The following KCNT2 variants were observed in gnomAD, a reference collection of about 807,000 sequenced individuals.
KCNT2 encodes the protein potassium sodium-activated channel subfamily T member 2, also known as potassium channel subfamily T member 2.
In KCNT2, 67 loss-of-function variants were observed where a neutral mutation model predicts 153.8. The observed-to-expected ratio is 0.44, with a 90% CI of 0.36 to 0.53. KCNT2 has a LOEUF of 0.53. KCNT2 is among the 20% of genes least tolerant of loss of function. The pLI is 0.00. For synonymous variants in KCNT2, 500 were observed against 458.8 expected, an observed-to-expected ratio of 1.09 and a Z score of -1.15; for missense variants, 975 against 1,354.8, an observed-to-expected ratio of 0.72 and a Z score of 4.40.
At chr1:196,357,685 T>C (rs1283421570) in intron 14 of KCNT2, among the ~76,000 whole-genome samples, 1 of 151,860 alleles carries the variant, frequency 6.6e-6, no homozygotes, top group Non-Finnish European at 1.5e-5. Flanking sequence ...GGATGGCTAG[T>C]AGAGGTAGTA....
intron 14 of KCNT2, among the ~76,000 whole-genome samples, chr1:196,370,394 C>A (rs1401374176): frequency 3.3e-5 from 5 of 152,098 alleles, no homozygotes; most frequent in African/African-American, 9.6e-5. Flanking sequence ...TTATGACTGA[C>A]AGATCAGCTA....
intron 14 of KCNT2, among the ~76,000 whole-genome samples, chr1:196,355,530 T>A (rs941046397): frequency 6.6e-6 from 1 of 151,716 alleles, no homozygotes; most frequent in African/African-American, 2.4e-5. Flanking sequence ...AGGCATCTAC[T>A]TCAATGAGAA....
intron 26 of KCNT2, among the ~76,000 whole-genome samples, chr1:196,256,979 G>T (rs1656572673): frequency 6.6e-6 from 1 of 152,016 alleles, no homozygotes; most frequent in Non-Finnish European, 1.5e-5. Context: ...GACATTAAAT[G>T]TGATTATATT....
intron 14 of KCNT2, among the ~76,000 whole-genome samples, chr1:196,372,486 A>T (rs1668622042): frequency 1.3e-5 from 2 of 151,928 alleles, no homozygotes; most frequent in Non-Finnish European, 2.9e-5. Flanking sequence ...AAGAGCAATG[A>T]CTATGTTCAC....
intron 23 of KCNT2, among the ~76,000 whole-genome samples, chr1:196,285,217 T>G (rs1659544643): frequency 6.6e-6 from 1 of 152,212 alleles, no homozygotes; most frequent in African/African-American, 2.4e-5. Context: ...ATCAGCAGAT[T>G]CTTAAAATGT....
At chr1:196,286,992 G>A (rs977679203) in intron 22 of KCNT2, among the ~76,000 whole-genome samples, 5 of 152,032 alleles carry the variant, frequency 3.3e-5, no homozygotes, top group Non-Finnish European at 7.4e-5. Context: ...GCAAGCTCCT[G>A]TTTCTAATGT....
At chr1:196,580,000 A>G (rs1446201594) in intron 1 of KCNT2, among the ~76,000 whole-genome samples, 1 of 152,176 alleles carries the variant, frequency 6.6e-6, no homozygotes, top group Non-Finnish European at 1.5e-5. Context: ...TTTCCAACCT[A>G]GAAATGTTTC....
chr1:196,557,628 T>TC (rs1298757814), intron 1 of KCNT2, among the ~76,000 whole-genome samples: 1 of 151,246 alleles, frequency 6.6e-6, no homozygotes, highest in African/African-American at 2.4e-5. Context: ...ACACAAGGTT[T>TC]ATTAATTAAT....
chr1:196,507,077 A>G (rs1178342364), intron 1 of KCNT2, among the ~76,000 whole-genome samples: 6 of 152,114 alleles, frequency 3.9e-5, no homozygotes, highest in Non-Finnish European at 8.8e-5. Flanking sequence ...GAAAATGTGA[A>G]ATCTAAATGT....
chr1:196,309,402 C>T (rs945379839), intron 21 of KCNT2, among the ~76,000 whole-genome samples: 1 of 151,778 alleles, frequency 6.6e-6, no homozygotes, highest in Non-Finnish European at 1.5e-5. Context: ...TATTTGGGGT[C>T]TTAATAAAAG....
chr1:196,426,832 C>T (rs1190913094), intron 10 of KCNT2, among the ~76,000 whole-genome samples: 1 of 151,746 alleles, frequency 6.6e-6, no homozygotes, highest in Non-Finnish European at 1.5e-5. Context: ...CAGATTTCCC[C>T]CTTGCTGTTC....
chr1:196,422,711 C>T (rs1673314711), intron 12 of KCNT2, among the ~76,000 whole-genome samples: 1 of 151,822 alleles, frequency 6.6e-6, no homozygotes, highest in South Asian at 2.1e-4. Flanking sequence ...CCTGATCCAT[C>T]TGCTTTGTCT....
At chr1:196,236,505 G>A (rs572736544) in intron 26 of KCNT2, among the ~76,000 whole-genome samples, 1 of 151,478 alleles carries the variant, frequency 6.6e-6, no homozygotes, top group East Asian at 1.9e-4. Context: ...ATTATGTTTA[G>A]AAAACATGCT....
rs760362698 is a variant in KCNT2, at chr1:196,280,810, G to T, written c.2910+50C>A. ...TCAGTTTATAAGCTTATGAATGATT[G>T]CACTCATCAGATTAAACATCAAAAC... On this transcript the variant is annotated intron_variant, in intron 25 of 27. Transcript: ENST00000294725. 13 of 1,491,654 alleles carry T rather than the reference G, an allele frequency of 8.7e-6. No homozygotes were observed. The African/African-American group carries it at 1.2e-4, about 14-fold the overall frequency. 92.4% of individuals were successfully genotyped at this position (1,491,654 alleles called of 1,614,324 possible).
At position 196,227,528 on chromosome 1, in the gene KCNT2, T is replaced by C. The variant is rs1204042025; in HGVS notation, c.*696A>G. ...AGTATGCTTTTCTTGGCATAAAATA[T>C]TTGCTAGACATAAAGTTACCAAAAA... On this transcript the variant is annotated 3_prime_UTR_variant, in exon 28 of 28. Transcript: ENST00000294725. The C allele has an allele frequency of 6.6e-6, 1 of 152,162 alleles. No homozygotes were observed. The highest frequency in any genetic ancestry group is 1.5e-5 in the Non-Finnish European group (1 of 67,944). The allele number at this position is 152,162 out of a possible 1,614,324, so 9.4% of individuals were successfully genotyped here.
intron 1 of KCNT2, among the ~76,000 whole-genome samples, chr1:196,524,934 G>C (rs1435880174): frequency 6.6e-6 from 1 of 152,018 alleles, no homozygotes; most frequent in Non-Finnish European, 1.5e-5. Flanking sequence ...GAGTATTATA[G>C]AATCTTCAAT....
chr1:196,606,299 C>T (rs969704433), intron 1 of KCNT2, among the ~76,000 whole-genome samples: 5 of 152,180 alleles, frequency 3.3e-5, no homozygotes, highest in Non-Finnish European at 7.3e-5. Context: ...ATCTGGGTTT[C>T]TCTGATTCCA....
intron 25 of KCNT2, among the ~76,000 whole-genome samples, chr1:196,270,439 G>T (rs867508943): frequency 5.9e-4 from 89 of 152,096 alleles, no homozygotes; most frequent in Admixed American, 2.6e-3. Context: ...TGTATGCTTA[G>T]GTTTGTATAT....
intron 14 of KCNT2, among the ~76,000 whole-genome samples, chr1:196,342,612 G>C (rs913672532): frequency 4.0e-5 from 6 of 151,256 alleles, no homozygotes; most frequent in Non-Finnish European, 5.9e-5. Context: ...AAAATTTGTT[G>C]TACAGTCTCC....
Sources: gnomAD v4.1 joint callset for allele counts (sites outside exome capture counted in the v4.1 genomes callset) on GRCh38, gnomAD v4.1.1 for gene constraint, MANE v1.5 for transcripts, NCBI Gene and HGNC (gene_info 2026-07-23, HGNC 2026-07-21) for gene names.